The following SOX6 variants were observed in gnomAD, a reference collection of about 807,000 sequenced individuals.
SOX6 encodes the protein transcription factor SOX-6.
A neutral mutation model predicts 97.8 loss-of-function variants in SOX6; 11 were observed. That is an observed-to-expected ratio of 0.11 (90% CI 0.07 to 0.19). The LOEUF (loss-of-function observed/expected upper bound fraction) is 0.19. Among genes scored for constraint, SOX6 ranks in the 10% least tolerant of loss-of-function variants. The pLI, the probability that SOX6 is intolerant of heterozygous loss-of-function variation, is 1.00. For synonymous variants in SOX6, 360 were observed against 371.4 expected (o/e 0.97, Z 0.35); for missense variants, 810 against 1,039.5 (o/e 0.78, Z 3.04).
rs1008860275 is a variant in SOX6 at position 16,522,279 on chromosome 11, C to T, written n.610-45891G>A. 4.3e-4 allele frequency among the ~76,000 whole-genome samples: 65 copies of T among 152,256 alleles called. 1 individual carries two copies. The East Asian group carries it at 0.012, about 28-fold the overall frequency. On this transcript the variant is annotated intron_variant and non_coding_transcript_variant, in intron 4 of 5. Transcript: ENST00000524520. ...GAAGCCCATCAGACTAACAGCGGAT[C>T]TCTTGGCAGGAACTCTACAACCCAG... is the stretch of plus-strand genomic sequence containing the variant.
At chr11:16,441,107 AC>A (rs1339345806) in intron 1 of SOX6, among the ~76,000 whole-genome samples, 1 of 152,012 alleles carries the variant, frequency 6.6e-6, no homozygotes, top group African/African-American at 2.4e-5. Context: ...ACATCCAGAG[AC>A]TTCCTGCTGC....
At chr11:16,319,574 C>A (rs1485341012) in intron 2 of SOX6, among the ~76,000 whole-genome samples, 1 of 150,170 alleles carries the variant, frequency 6.7e-6, no homozygotes, top group Admixed American at 6.7e-5. Context: ...TTCCCACCTA[C>A]GAGTGATAAC....
chr11:16,274,300 A>G (rs1008735221), intron 3 of SOX6, among the ~76,000 whole-genome samples: 1 of 152,088 alleles, frequency 6.6e-6, no homozygotes, highest in African/African-American at 2.4e-5. Flanking sequence ...AAATGTATCA[A>G]TTTATATTTA....
At chr11:16,692,008 C>T (rs1848016713) in intron 3 of SOX6, among the ~76,000 whole-genome samples, 2 of 151,654 alleles carry the variant, frequency 1.3e-5, no homozygotes, top group Non-Finnish European at 2.9e-5. Flanking sequence ...AAGAAAAAAG[C>T]TTTAGTAGTA....
In SOX6 at chr11:16,706,472, ATATATATATATAT is replaced by A. The variant is rs1369331178; in HGVS notation, n.429+8345_429+8357del. Among the ~76,000 whole-genome samples the A allele has an allele frequency of 1.2e-3, 19 of 16,508 alleles. 2 individuals are homozygous for A. Among genetic ancestry groups the A allele is most frequent in the African/African-American group, 3.8e-3 (8 of 2,096 alleles). 10.8% of individuals were successfully genotyped at this position (16,508 alleles called of 152,430 possible). On this transcript the variant is annotated intron_variant and non_coding_transcript_variant, in intron 3 of 5. Coordinates refer to the SOX6 transcript ENST00000524520. Reference sequence around the variant, plus strand: ...CACAAAAAAAAAAAAAAAAAAAAAAATATATATATATATATATATATATATATATATATATATA... The same window carrying A: ...CACAAAAAAAAAAAAAAAAAAAAAAAATATATATATATATATATATATATA...
intron 9 of SOX6, among the ~76,000 whole-genome samples, chr11:16,087,996 G>C (rs1333166057): frequency 6.6e-6 from 1 of 151,112 alleles, no homozygotes; most frequent in Non-Finnish European, 1.5e-5. Flanking sequence ...GGACAGGGTG[G>C]GGGGTGGGGA....
intron 3 of SOX6, among the ~76,000 whole-genome samples, chr11:16,666,192 T>C (rs1272077265): frequency 1.3e-5 from 2 of 151,920 alleles, no homozygotes; most frequent in Non-Finnish European, 2.9e-5. Flanking sequence ...GAAAACATGA[T>C]CAAAAACATG....
chr11:16,217,009 A>G (rs1277543577), intron 4 of SOX6, among the ~76,000 whole-genome samples: 1 of 152,214 alleles, frequency 6.6e-6, no homozygotes, highest in African/African-American at 2.4e-5. Flanking sequence ...TGGAAAAACA[A>G]AAGAGCTCCT....
At chr11:16,291,806 A>C (rs1468527375) in intron 3 of SOX6, among the ~76,000 whole-genome samples, 1 of 152,090 alleles carries the variant, frequency 6.6e-6, no homozygotes. Flanking sequence ...AATGTAATAA[A>C]TATGTACTGT....
chr11:16,190,093 T>A (rs1444593660), intron 4 of SOX6, among the ~76,000 whole-genome samples: 1 of 152,234 alleles, frequency 6.6e-6, no homozygotes, highest in Non-Finnish European at 1.5e-5. Context: ...GATTTATAAA[T>A]GCATTGGTGC....
At chr11:16,333,175 C>A (rs1248853283) in intron 2 of SOX6, among the ~76,000 whole-genome samples, 2 of 152,232 alleles carry the variant, frequency 1.3e-5, no homozygotes, top group African/African-American at 4.8e-5. Flanking sequence ...TGTGCAGACA[C>A]AATCCTGGGT....
chr11:16,317,686 A>G (rs916869551), intron 3 of SOX6: 6 of 153,268 alleles, frequency 3.9e-5, no homozygotes, highest in Admixed American at 2.0e-4. Flanking sequence ...GTAAAAAACA[A>G]AAGTCTCAAT....
chr11:16,599,035 T>A (rs1295909201), intron 4 of SOX6, among the ~76,000 whole-genome samples: 1 of 152,132 alleles, frequency 6.6e-6, no homozygotes, highest in Non-Finnish European at 1.5e-5. Flanking sequence ...TGAATTTATC[T>A]TATATTTATT....
intron 6 of SOX6, among the ~76,000 whole-genome samples, chr11:16,174,435 C>A (rs139703744): frequency 1.3e-5 from 2 of 151,822 alleles, no homozygotes; most frequent in African/African-American, 4.8e-5. Flanking sequence ...CTTTTTGCAT[C>A]ATTTATTTGC....
chr11:16,623,305 G>T (rs1848572602), intron 3 of SOX6, among the ~76,000 whole-genome samples: 1 of 152,336 alleles, frequency 6.6e-6, no homozygotes, highest in African/African-American at 2.4e-5. Flanking sequence ...ACAGGCGTGA[G>T]CCACTGTGTC....
At chr11:16,438,847 T>A (rs1859442451) in intron 1 of SOX6, among the ~76,000 whole-genome samples, 1 of 152,166 alleles carries the variant, frequency 6.6e-6, no homozygotes, top group Non-Finnish European at 1.5e-5. Context: ...CCTTGCTCGC[T>A]CCTTACCTCC....
rs1857065959 is a variant in SOX6, at chr11:16,356,127, C to A, written c.-38G>T. On this transcript the variant is annotated 5_prime_UTR_variant, in exon 1 of 16. Coordinates refer to ENST00000683767, the MANE Select transcript of SOX6 (RefSeq NM_001367873.1). ...GCTGCTCTTCCACTCTTCAATCCGG[C>A]TTTCTCTTACCACATCAGCCAGAAC... Among the ~76,000 whole-genome samples the A allele has an allele frequency of 6.6e-6, 1 of 151,662 alleles. No individual in the cohort carries two copies. The highest frequency in any genetic ancestry group is 2.1e-4 in the South Asian group (1 of 4,810).
At chr11:16,130,796 T>C (rs902299830) in intron 6 of SOX6, among the ~76,000 whole-genome samples, 2 of 151,708 alleles carry the variant, frequency 1.3e-5, no homozygotes, top group Non-Finnish European at 1.5e-5. Flanking sequence ...TGGACCAGAA[T>C]ACAGAGTCCA....
At chr11:16,466,546 T>C (rs1565154870) in intron 1 of SOX6, among the ~76,000 whole-genome samples, 5 of 151,490 alleles carry the variant, frequency 3.3e-5, no homozygotes, top group African/African-American at 4.8e-5. Flanking sequence ...ATCTACAGAA[T>C]GGGGGAAGAT....
Sources: gnomAD v4.1 joint callset for allele counts (sites outside exome capture counted in the v4.1 genomes callset) on GRCh38, gnomAD v4.1.1 for gene constraint, MANE v1.5 for transcripts, NCBI Gene and HGNC (gene_info 2026-07-23, HGNC 2026-07-21) for gene names.